The following PAPPA variants were observed in gnomAD, a reference collection of about 807,000 sequenced individuals.
PAPPA encodes pappalysin-1.
Under a neutral mutation model 164.0 loss-of-function variants are expected in PAPPA, and 60 were observed. The ratio of observed to expected loss-of-function variants is 0.37; its 90% confidence interval spans 0.30 to 0.45. The LOEUF is 0.45. Among genes scored for constraint, PAPPA ranks in the 20% least tolerant of loss-of-function variants. The pLI, the probability that PAPPA is intolerant of heterozygous loss-of-function variation, is 1.00. For synonymous variants in PAPPA, 875 were observed against 814.1 expected (o/e 1.07, Z -1.27); for missense variants, 1,782 against 2,087.3 (o/e 0.85, Z 2.85).
At chr9:116,372,520 C>T (rs565999599) in intron 19 of PAPPA, among the ~76,000 whole-genome samples, 27 of 152,248 alleles carry the variant, frequency 1.8e-4, no homozygotes, top group Middle Eastern at 6.8e-3. Flanking sequence ...CTATTCCAGT[C>T]TGGAGACCTA....
At chr9:116,285,020 C>T (rs930695939) in intron 9 of PAPPA, among the ~76,000 whole-genome samples, 1 of 151,986 alleles carries the variant, frequency 6.6e-6, no homozygotes, top group East Asian at 1.9e-4. Context: ...TTGTTGCTCT[C>T]CAATTGAGAG....
chr9:116,251,055 A>G (rs1564198909), intron 7 of PAPPA, among the ~76,000 whole-genome samples: 1 of 152,206 alleles, frequency 6.6e-6, no homozygotes, highest in African/African-American at 2.4e-5. Flanking sequence ...GTGACCCTCC[A>G]AGAGTCTTAA....
At chr9:116,253,516 C>G (rs1844885492) in intron 7 of PAPPA, among the ~76,000 whole-genome samples, 2 of 152,118 alleles carry the variant, frequency 1.3e-5, no homozygotes, top group Admixed American at 6.5e-5. Flanking sequence ...CAAAACATTT[C>G]TTCCCAAGGG....
chr9:116,379,266 A>G (rs774182709), intron 20 of PAPPA, among the ~76,000 whole-genome samples: 6 of 152,180 alleles, frequency 3.9e-5, no homozygotes, highest in Non-Finnish European at 8.8e-5. Context: ...TCTGGAGCTG[A>G]AAATTATGCT....
chr9:116,328,679 C>A lies in PAPPA; in HGVS notation c.3148-2565C>A, dbSNP rs550224350. On this transcript the variant is annotated intron_variant, in intron 10 of 21. Coordinates refer to ENST00000328252, the MANE Select transcript of PAPPA (RefSeq NM_002581.5). ...ATATTATAAGGCAGCTTTATATATA[C>A]AACAGGTGAGTGCAGATGCTCTGTT... is the stretch of plus-strand genomic sequence containing the variant. Among the ~76,000 whole-genome samples, 19 of 152,274 alleles carry A rather than the reference C, an allele frequency of 1.2e-4. No homozygotes were observed. The South Asian group carries it at 3.7e-3, about 30-fold the overall frequency.
chr9:116,267,718 AC>A (rs1845084943), intron 8 of PAPPA, among the ~76,000 whole-genome samples: 1 of 151,778 alleles, frequency 6.6e-6, no homozygotes. Flanking sequence ...CTAAAAAAAT[AC>A]AAAAAATTAG....
At chr9:116,243,347 T>C (rs1382932041) in intron 7 of PAPPA, among the ~76,000 whole-genome samples, 1 of 152,228 alleles carries the variant, frequency 6.6e-6, no homozygotes, top group Non-Finnish European at 1.5e-5. Context: ...CATTTACTAC[T>C]GGTAGCACTA....
At position 116,401,182 on chromosome 9, in the gene PAPPA, T is replaced by A. The variant is rs1418437229; in HGVS notation, c.*4566T>A. 2 of 152,636 alleles carry A rather than the reference T, an allele frequency of 1.3e-5. No individual in the cohort carries two copies. Among genetic ancestry groups the A allele is most frequent in the Non-Finnish European group, 2.9e-5 (2 of 68,048 alleles). 9.5% of individuals were successfully genotyped at this position (152,636 alleles called of 1,614,324 possible). On this transcript the variant is annotated 3_prime_UTR_variant, in exon 22 of 22. Coordinates refer to ENST00000328252, the MANE Select transcript of PAPPA (RefSeq NM_002581.5). ...GAGAATATTTTATTTTTTTGGCAAA[T>A]TTGATCTTACCCTTTACCAGTTCTA...
intron 7 of PAPPA, among the ~76,000 whole-genome samples, chr9:116,246,035 G>T (rs893323214): frequency 1.3e-5 from 2 of 152,166 alleles, no homozygotes; most frequent in Non-Finnish European, 2.9e-5. Flanking sequence ...AAAATTGTGT[G>T]TAGTTAACAT....
intron 5 of PAPPA, among the ~76,000 whole-genome samples, chr9:116,220,645 T>C (rs1296077124): frequency 6.6e-6 from 1 of 151,908 alleles, no homozygotes; most frequent in East Asian, 1.9e-4. Context: ...TTCCAGCACT[T>C]TGGGAGGCCA....
At position 116,334,867 on chromosome 9, in the gene PAPPA, A is replaced by G. The variant is rs1250001592; in HGVS notation, c.3404A>G (p.His1135Arg). 7 of 1,613,368 alleles carry G rather than the reference A, an allele frequency of 4.3e-6. No individual in the cohort carries two copies. Among genetic ancestry groups the G allele is most frequent in the Non-Finnish European group, 5.9e-6 (7 of 1,179,554 alleles). The stretch of plus-strand genomic sequence containing the variant: ...CCTCTGTCTCCCCTGACAGGCCTCC[A>G]TGTCCTGAGCTGCAGGAACAATCCC... ...TKDQSHDLGL[H>R]VLSCRNNPLI... The change falls in exon 13 of 22, where the codon CAT becomes CGT. Residue 1135 changes from histidine to arginine, a missense_variant. His to Arg is a conservative substitution (Grantham distance 29). Around this residue, in one of 2 missense-constraint regions of PAPPA, gnomAD observed 1,324 missense variants for 1,656.9 expected, o/e 0.80. Coordinates refer to ENST00000328252, the MANE Select transcript of PAPPA (RefSeq NM_002581.5).
chr9:116,367,652 G>C lies in PAPPA; in HGVS notation c.4503G>C (p.Glu1501Asp), dbSNP rs967306755. The part of the protein sequence containing the change: ...QCPDGYAIGS[E>D]CATSCLDHNS... ...ATGCTGTACTTCCCTCAGGGTCGGA[G>C]TGTGCCACCTCGTGCCTGGACCACA... Residue 1501 changes from glutamate to aspartate, a missense_variant, in exon 19 of 22, where the codon GAG (glutamate) becomes GAC (aspartate). Physicochemically the swap from Glu to Asp is conservative, Grantham distance 45. This residue lies in a region of PAPPA where 1,324 missense variants were observed against 1,656.9 expected (regional missense o/e 0.80). Coordinates refer to ENST00000328252, the MANE Select transcript of PAPPA (RefSeq NM_002581.5). 2.5e-6 allele frequency: 4 copies of C among 1,613,358 alleles called. No homozygotes were observed. In the African/African-American group the frequency reaches 4.0e-5, roughly 16 times the overall value.
At chr9:116,234,059 A>G (rs908422220) in intron 6 of PAPPA, among the ~76,000 whole-genome samples, 1 of 152,072 alleles carries the variant, frequency 6.6e-6, no homozygotes, top group Non-Finnish European at 1.5e-5. Flanking sequence ...TAAGGTGTCT[A>G]GTTGGGCAAC....
At chr9:116,344,785 G>T in intron 14 of PAPPA, 74 bp downstream of exon 14, 1 of 1,345,114 alleles carries the variant, frequency 7.4e-7, no homozygotes, top group Non-Finnish European at 1.0e-6. Flanking sequence ...CATGTTCTCT[G>T]CTAAATACCC....
At chr9:116,234,929 G>A (rs1199942536) in intron 6 of PAPPA, among the ~76,000 whole-genome samples, 1 of 152,132 alleles carries the variant, frequency 6.6e-6, no homozygotes, top group African/African-American at 2.4e-5. Flanking sequence ...TGAATGTCTG[G>A]TGATTCCTCT....
intron 18 of PAPPA, 39 bp from the exon 19 acceptor site, chr9:116,367,606 C>G (rs1327522286): frequency 2.0e-6 from 3 of 1,487,140 alleles, no homozygotes; most frequent in East Asian, 4.6e-5. Flanking sequence ...TGTTGAGGGT[C>G]TCGGGCCTGA....
intron 10 of PAPPA, among the ~76,000 whole-genome samples, chr9:116,314,777 G>A (rs555832390): frequency 1.3e-5 from 2 of 152,124 alleles, no homozygotes; most frequent in African/African-American, 4.8e-5. Context: ...ATCCTACAGG[G>A]TTTAGCTCAA....
At chr9:116,300,789 C>G (rs1215636622) in intron 9 of PAPPA, among the ~76,000 whole-genome samples, 1 of 152,094 alleles carries the variant, frequency 6.6e-6, no homozygotes, top group Non-Finnish European at 1.5e-5. Flanking sequence ...CAAGTGAGCA[C>G]TGATTTCACA....
chr9:116,386,981 C>A (rs1846822952), intron 21 of PAPPA, among the ~76,000 whole-genome samples: 1 of 152,112 alleles, frequency 6.6e-6, no homozygotes, highest in Admixed American at 6.5e-5. Context: ...CATGCCTCTG[C>A]CCTTACCTGC....
Sources: gnomAD v4.1 joint callset for allele counts (sites outside exome capture counted in the v4.1 genomes callset) on GRCh38, gnomAD v4.1.1 for gene constraint, gnomAD v4.1.1 regional missense constraint, MANE v1.5 for transcripts, NCBI Gene and HGNC (gene_info 2026-07-23, HGNC 2026-07-21) for gene names.